Variants in WDR4 observed in about 807,000 individuals in gnomAD.
The protein encoded by WDR4 is tRNA (guanine-N(7)-)-methyltransferase non-catalytic subunit WDR4.
A neutral mutation model predicts 48.6 loss-of-function variants in WDR4; 47 were observed. The observed-to-expected ratio is 0.97, with a 90% confidence interval of 0.77 to 1.23. The LOEUF is 1.23. Among genes scored for constraint, WDR4 ranks in the 50% most tolerant of loss-of-function variants. WDR4 has a pLI of 0.00. For synonymous variants in WDR4, 268 were observed against 230.0 expected (o/e 1.17, Z -1.49); for missense variants, 606 against 551.6 (o/e 1.10, Z -0.99).
chr21:42,873,288 G>A (rs1045862478), intron 3 of WDR4, among the ~76,000 whole-genome samples: 8 of 152,144 alleles, frequency 5.3e-5, no homozygotes, highest in East Asian at 1.9e-4. Flanking sequence ...TCTGTCTTCC[G>A]AGCCCACTGA....
the WDR4 span, among the ~76,000 whole-genome samples, chr21:42,888,608 GT>G: frequency 4.4e-3 from 639 of 146,336 alleles, 4 homozygotes; most frequent in African/African-American, 0.014. Flanking sequence ...TTTCCTATTG[GT>G]TTTTTTTTTT....
chr21:42,863,882 G>T (rs1449496105), intron 3 of WDR4, among the ~76,000 whole-genome samples: 1 of 144,304 alleles, frequency 6.9e-6, no homozygotes, highest in South Asian at 2.2e-4. Context: ...CGAGGTGGGT[G>T]GATCACAAGG....
intron 5 of WDR4, among the ~76,000 whole-genome samples, chr21:42,859,991 A>G (rs2058079169): frequency 6.6e-6 from 1 of 152,114 alleles, no homozygotes; most frequent in South Asian, 2.1e-4. Context: ...GCCGCTCCTC[A>G]GCCATGCCTG....
At chr21:42,879,629 C>T (rs1487412368), upstream of WDR4, 2 of 1,119,028 alleles carry the variant, frequency 1.8e-6, no homozygotes, top group Non-Finnish European at 2.5e-6. Context: ...AAGGACGAGC[C>T]TGCCTTGAGC....
At chr21:42,879,892 A>G (rs2058593265), upstream of WDR4, 1 of 399,792 alleles carries the variant, frequency 2.5e-6, no homozygotes, top group Non-Finnish European at 4.4e-6. Flanking sequence ...GAAGTGAATG[A>G]ACCGGGGGCC....
chr21:42,848,661 G>A (rs201352349), downstream of WDR4, among the ~76,000 whole-genome samples: 7 of 109,388 alleles, frequency 6.4e-5, no homozygotes, highest in East Asian at 6.9e-4. Flanking sequence ...GCACGATCAC[G>A]CGGCGCGCAC....
chr21:42,844,675 C>G (rs1029041905), downstream of WDR4, among the ~76,000 whole-genome samples: 35 of 152,202 alleles, frequency 2.3e-4, no homozygotes, highest in Admixed American at 2.3e-3. Context: ...GGCCTGAGAG[C>G]AGGAAGCCCG....
intron 8 of WDR4, among the ~76,000 whole-genome samples, 158 bp from the exon 9 acceptor site, chr21:42,853,910 G>A (rs139247642): frequency 6.6e-6 from 1 of 152,292 alleles, no homozygotes; most frequent in East Asian, 1.9e-4. Context: ...CGGCGCCGGG[G>A]AAACCATGGG....
chr21:42,891,871 C>T, the WDR4 span, among the ~76,000 whole-genome samples: 1 of 144,404 alleles, frequency 6.9e-6, no homozygotes, highest in Non-Finnish European at 1.5e-5. Flanking sequence ...GGAGGAGAAT[C>T]GCTTGAACCT....
At chr21:42,843,119 G>C (rs1135627) in exon 12 of WDR4, 1 of 152,288 alleles carries the variant, frequency 6.6e-6, no homozygotes, top group East Asian at 1.9e-4. Flanking sequence ...TTACTACACA[G>C]ACTCAGTAGC....
At chr21:42,844,950 T>G (rs1431583959), downstream of WDR4, among the ~76,000 whole-genome samples, 1 of 152,038 alleles carries the variant, frequency 6.6e-6, no homozygotes, top group Non-Finnish European at 1.5e-5. Context: ...GTGGAGTCCC[T>G]CCAGCTCCTT....
At chr21:42,850,440 A>G (rs1354073618) in intron 10 of WDR4, among the ~76,000 whole-genome samples, 198 bp from the exon 11 acceptor site, 2 of 152,222 alleles carry the variant, frequency 1.3e-5, no homozygotes, top group African/African-American at 4.8e-5. Context: ...AGGACTGGCT[A>G]CTAACAGAAC....
rs1464119920 is a variant in WDR4 at position 42,864,741 on chromosome 21, C to T, written c.297-1145G>A. 3.9e-5 allele frequency among the ~76,000 whole-genome samples: 6 copies of T among 152,340 alleles called. No individual in the cohort carries two copies. In the East Asian group the frequency reaches 1.2e-3, roughly 29 times the overall value. ...TTCGCCAGGGCTCAGGGCTACACTA[C>T]TTCCTGGGGCTCTCATTTCCACATC... On this transcript the variant is annotated intron_variant, in intron 3 of 10. Transcript: ENST00000398208.
downstream of WDR4, among the ~76,000 whole-genome samples, chr21:42,845,537 G>A (rs949440945): frequency 2.6e-5 from 4 of 152,138 alleles, no homozygotes; most frequent in African/African-American, 9.7e-5. Context: ...ATCTAAGACG[G>A]GTAAGTCAAG....
At chr21:42,879,560 C>T (rs559513933), upstream of WDR4, 4 of 1,579,818 alleles carry the variant, frequency 2.5e-6, no homozygotes, top group South Asian at 3.4e-5. Flanking sequence ...CCGCACCGGT[C>T]GGTGACGCCA....
rs141503497 is a variant in WDR4, at chr21:42,876,966, G to A, written c.90-199C>T. ...CCCCAGTAGCTGAGATTACAGGCAT[G>A]CACCAGCACTCCCAGCTAATTTTTA... is the stretch of plus-strand genomic sequence containing the variant. On this transcript the variant is annotated intron_variant, in intron 1 of 10. Transcript: ENST00000398208. Among the ~76,000 whole-genome samples the A allele has an allele frequency of 4.9e-3, 735 of 151,502 alleles. 6 individuals carry two copies. The highest frequency in any genetic ancestry group is 0.017 in the African/African-American group (690 of 41,254).
chr21:42,886,140 AG>A, the WDR4 span, among the ~76,000 whole-genome samples: 1 of 152,132 alleles, frequency 6.6e-6, no homozygotes, highest in East Asian at 1.9e-4. Flanking sequence ...TATTTTTAGT[AG>A]AGACAGGGTT....
Position 42,862,496 on chromosome 21 carries a change from G to A in WDR4, c.454-102C>T, listed in dbSNP as rs1053358093. 31 of 1,071,854 alleles carry A rather than the reference G, an allele frequency of 2.9e-5. No individual in the cohort carries two copies. The highest frequency in any genetic ancestry group is 4.1e-5 in the Non-Finnish European group (30 of 732,822). 66.4% of individuals were successfully genotyped at this position (1,071,854 alleles called of 1,614,324 possible). ...AGGGAAGCTGCAGCCTGGCCGCCAA[G>A]AGGATGAGGCCTTCGAGGACAGACC... is the stretch of plus-strand genomic sequence containing the variant. On this transcript the variant is annotated intron_variant, in intron 4 of 10. Coordinates refer to ENST00000398208, the MANE Select transcript of WDR4 (RefSeq NM_018669.6). This position sits in a 1 kb window ranked among gnomAD's most constrained non-coding sequence, Gnocchi z 4.3.
At chr21:42,875,890 G>C in intron 2 of WDR4, among the ~76,000 whole-genome samples, 1 of 142,520 alleles carries the variant, frequency 7.0e-6, no homozygotes, top group Non-Finnish European at 1.5e-5. Flanking sequence ...GAAACTAAAA[G>C]TATTTAGAAA....
Sources: allele counts gnomAD v4.1 joint callset (sites outside exome capture counted in the v4.1 genomes callset), GRCh38; gene constraint gnomAD v4.1.1; non-coding constraint Gnocchi (gnomAD v3.1); transcripts MANE v1.5; gene names NCBI Gene and HGNC (gene_info 2026-07-23, HGNC 2026-07-21).